Variants in VPS37D observed in about 807,000 individuals in gnomAD.
VPS37D encodes the protein vacuolar protein sorting-associated protein 37D.
Under a neutral mutation model 22.0 loss-of-function variants are expected in VPS37D, and 5 were observed. The ratio of observed to expected loss-of-function variants is 0.23; its 90% CI spans 0.12 to 0.48. VPS37D has a LOEUF of 0.48. Among genes scored for constraint, VPS37D ranks in the 20% least tolerant of loss-of-function variants. VPS37D has a pLI of 0.99. For synonymous variants in VPS37D, 174 were observed against 159.3 expected (o/e 1.09, Z -0.69); for missense variants, 384 against 345.8 (o/e 1.11, Z -0.88).
chr7:73,665,749 A>G (rs192026138), upstream of VPS37D, among the ~76,000 whole-genome samples: 16 of 152,266 alleles, frequency 1.1e-4, no homozygotes, highest in Admixed American at 5.9e-4. Context: ...GAGAACTCCT[A>G]TTCAACCTCT....
chr7:73,668,296 A>C (rs1220029607), intron 1 of VPS37D, among the ~76,000 whole-genome samples, 200 bp downstream of exon 1: 1 of 150,860 alleles, frequency 6.6e-6, no homozygotes, highest in Non-Finnish European at 1.5e-5. Flanking sequence ...GGCGCCGGGG[A>C]CCCGAGGGGG....
chr7:73,668,891 G>C (rs1184790638), intron 1 of VPS37D, among the ~76,000 whole-genome samples: 1 of 151,948 alleles, frequency 6.6e-6, no homozygotes, highest in Non-Finnish European at 1.5e-5. Context: ...GAAGGGAAGA[G>C]AGGGTGACCC....
At position 73,671,456 on chromosome 7, in the gene VPS37D, G is replaced by C. The variant is rs1210166917; in HGVS notation, c.*80G>C. 3.1e-5 allele frequency: 21 copies of C among 670,172 alleles called. No individual in the cohort carries two copies. Among genetic ancestry groups the C allele is most frequent in the African/African-American group, 9.5e-5 (5 of 52,362 alleles). The allele number at this position is 670,172 out of a possible 1,614,324, so 41.5% of individuals were successfully genotyped here. Reference sequence around the variant, plus strand: ...CCTCCTCCTCCCCCACTGCCTGGGTGGGGGGAGGGGCAGGCCCCTCCCCCT... The same window carrying C: ...CCTCCTCCTCCCCCACTGCCTGGGTCGGGGGAGGGGCAGGCCCCTCCCCCT... On this transcript the variant is annotated 3_prime_UTR_variant, in exon 4 of 4. Coordinates refer to ENST00000324941, the MANE Select transcript of VPS37D (RefSeq NM_001077621.2).
chr7:73,668,541 T>C (rs1401697081), intron 1 of VPS37D, among the ~76,000 whole-genome samples: 1 of 149,772 alleles, frequency 6.7e-6, no homozygotes, highest in Non-Finnish European at 1.5e-5. Context: ...TGCCTGGCGT[T>C]GGGGAGGGGT....
chr7:73,666,038 GA>G (rs1239875215), upstream of VPS37D, among the ~76,000 whole-genome samples: 1 of 152,052 alleles, frequency 6.6e-6, no homozygotes, highest in African/African-American at 2.4e-5. Context: ...ATGTTTGGCA[GA>G]GATGGGGGTC....
chr7:73,671,327 C>T lies in VPS37D; in HGVS notation c.707C>T (p.Ala236Val). The T allele has an allele frequency of 7.3e-7, 1 of 1,374,300 alleles. No individual in the cohort carries two copies. Among genetic ancestry groups the T allele is most frequent in the Non-Finnish European group, 9.5e-7 (1 of 1,057,716 alleles). 85.1% of individuals were successfully genotyped at this position (1,374,300 alleles called of 1,614,324 possible). Residue 236 changes from alanine to valine, a missense_variant, in exon 4 of 4, where the codon GCC becomes GTC. Ala to Val is a moderately conservative substitution (Grantham distance 64, BLOSUM62 0). Coordinates refer to ENST00000324941, the MANE Select transcript of VPS37D (RefSeq NM_001077621.2). ...TCCCCCGGGTGCCCCCTCGGCCCGG[C>T]CCCCCTGCTGAGCCCTCGGCCCTCG... ...KGSPGCPLGP[A>V]PLLSPRPSQP...
intron 1 of VPS37D, among the ~76,000 whole-genome samples, chr7:73,668,744 G>A (rs951516099): frequency 9.9e-5 from 15 of 152,060 alleles, no homozygotes; most frequent in South Asian, 4.1e-4. Flanking sequence ...GGGCAGGGAG[G>A]GGAGGTTGGG....
At position 73,671,061 on chromosome 7, in the gene VPS37D, C is replaced by G; in HGVS notation, c.441C>G (p.Phe147Leu). Residue 147 changes from phenylalanine (F) to leucine (L), a missense_variant, in exon 4 of 4, where the codon TTC becomes TTG. Phe to Leu is a conservative substitution (Grantham distance 22). Transcript: ENST00000324941. ...LLLGEQSLEA[F>L]LPAFQRGRAL... ...TCGGGGAGCAAAGCCTGGAGGCCTT[C>G]CTGCCTGCCTTCCAGCGTGGCCGCG... is the stretch of plus-strand genomic sequence containing the variant. 1 of 1,612,266 alleles carries G rather than the reference C, an allele frequency of 6.2e-7. No individual in the cohort carries two copies. Among genetic ancestry groups the G allele is most frequent in the South Asian group, 1.1e-5 (1 of 91,058 alleles).
Position 73,667,917 on chromosome 7 carries a change from C to G in VPS37D, c.-42C>G, listed in dbSNP as rs1287566060. On this transcript the variant is annotated 5_prime_UTR_variant, in exon 1 of 4. Transcript: ENST00000324941. ...CGGAGCCGGGGCGGAGCGGGCCGAG[C>G]GGGCCGAGCCAGCAGCCGAGCTGGG... 5.0e-6 allele frequency: 4 copies of G among 800,126 alleles called. No homozygotes were observed. Among genetic ancestry groups the G allele is most frequent in the South Asian group, 1.1e-4 (2 of 18,216 alleles). The allele number at this position is 800,126 out of a possible 1,614,324, so 49.6% of individuals were successfully genotyped here.
chr7:73,666,565 A>G (rs1554608681), upstream of VPS37D, among the ~76,000 whole-genome samples: 1 of 151,754 alleles, frequency 6.6e-6, no homozygotes, highest in East Asian at 1.9e-4. Flanking sequence ...AGTAGCTGGA[A>G]TTACAGGCGC....
intron 2 of VPS37D, 43 bp from the exon 3 acceptor site, chr7:73,669,977 G>A (rs1554609423): frequency 6.4e-7 from 1 of 1,551,274 alleles, no homozygotes; most frequent in South Asian, 1.2e-5. Flanking sequence ...TGCAAGCCCG[G>A]GGCCCTGGCC....
chr7:73,670,251 G>A, intron 3 of VPS37D, 149 bp downstream of exon 3: 3 of 1,356,472 alleles, frequency 2.2e-6, no homozygotes, highest in Non-Finnish European at 3.0e-6. Context: ...TAGCATTGCT[G>A]TCCACCAGCA....
In VPS37D at chr7:73,671,301, C is replaced by T. The variant is rs1797507414; in HGVS notation, c.681C>T (p.Gly227=). The T allele has an allele frequency of 1.4e-6, 2 of 1,408,328 alleles. No individual in the cohort carries two copies. The highest frequency in any genetic ancestry group is 1.8e-6 in the Non-Finnish European group (2 of 1,083,578). The allele number at this position is 1,408,328 out of a possible 1,614,324, so 87.2% of individuals were successfully genotyped here. Residue 227 remains glycine, a synonymous_variant, in exon 4 of 4, where the codon GGC becomes GGT. Transcript: ENST00000324941. ...LDSRPVPPLK[G]SPGCPLGPAP... ...CCCGCCCAGTGCCCCCACTGAAGGG[C>T]TCCCCCGGGTGCCCCCTCGGCCCGG...
chr7:73,670,052 G>T lies in VPS37D; in HGVS notation c.343G>T (p.Ala115Ser). The change falls in exon 3 of 4, where the codon GCG (alanine) becomes TCG (serine). Residue 115 changes from alanine to serine, a missense_variant. Ala to Ser is a moderately conservative substitution (Grantham distance 99, BLOSUM62 1). Transcript: ENST00000324941. ...ESMHRWSPHC[A>S]LGWLQAELEE... is the part of the protein sequence containing the mutation. ...CATGCATCGCTGGAGTCCCCACTGC[G>T]CGCTGGGCTGGCTGCAGGCTGAGCT... The T allele has an allele frequency of 6.4e-7, 1 of 1,551,592 alleles. No homozygotes were observed. The highest frequency in any genetic ancestry group is 8.7e-7 in the Non-Finnish European group (1 of 1,146,976).
chr7:73,668,045 C>T lies in VPS37D; in HGVS notation c.87C>T (p.Asp29=), dbSNP rs1319149318. 111 of 1,169,578 alleles carry T rather than the reference C, an allele frequency of 9.5e-5. No homozygotes were observed. Among genetic ancestry groups the T allele is most frequent in the Non-Finnish European group, 1.2e-4 (111 of 936,656 alleles). The allele number at this position is 1,169,578 out of a possible 1,614,324, so 72.5% of individuals were successfully genotyped here. ...FGILSTGQLR[D]LLQDEPKLDR... The stretch of plus-strand genomic sequence containing the variant: ...TCCTCAGCACCGGGCAGCTCCGGGA[C>T]CTGCTTCAGGATGAGCCCAAGCTGG... The change falls in exon 1 of 4, where the codon GAC becomes GAT. Residue 29 remains aspartate (D), a synonymous_variant. Transcript: ENST00000324941.
chr7:73,666,256 T>G (rs1197262494), upstream of VPS37D, among the ~76,000 whole-genome samples: 2 of 152,176 alleles, frequency 1.3e-5, no homozygotes, highest in Non-Finnish European at 2.9e-5. Flanking sequence ...GGACTCTGCC[T>G]TAATCCATGA....
In VPS37D at chr7:73,671,892, C is replaced by G. The variant is rs1797527005; in HGVS notation, c.*516C>G. ...CAGGGACACCATGGCCCTGGGGCTA[C>G]TACGTGTCCACACATGCTCCAGACC... On this transcript the variant is annotated 3_prime_UTR_variant, in exon 4 of 4. Coordinates refer to ENST00000324941, the MANE Select transcript of VPS37D (RefSeq NM_001077621.2). 6.6e-6 allele frequency: 1 copy of G among 152,292 alleles called. No homozygotes were observed. The highest frequency in any genetic ancestry group is 1.5e-5 in the Non-Finnish European group (1 of 68,092). The allele number at this position is 152,292 out of a possible 1,614,324, so 9.4% of individuals were successfully genotyped here. A position where few individuals can be genotyped will look rare whatever the true frequency, so the allele number is the denominator to read the frequency against.
In VPS37D at chr7:73,669,422, C is replaced by A; in HGVS notation, c.142C>A (p.Gln48Lys). The A allele has an allele frequency of 6.4e-7, 1 of 1,555,894 alleles. No homozygotes were observed. Among genetic ancestry groups the A allele is most frequent in the East Asian group, 2.4e-5 (1 of 41,610 alleles). Residue 48 changes from glutamine to lysine, a missense_variant, in exon 2 of 4, where the codon CAG becomes AAG. Physicochemically the swap from Gln to Lys is moderately conservative, Grantham distance 53. Coordinates refer to ENST00000324941, the MANE Select transcript of VPS37D (RefSeq NM_001077621.2). ...DRIVRLSRKF[Q>K]GLQLEREACL... ...CTTAGCTCCTCTCTGCCCGCAGTTC[C>A]AGGGCCTGCAGCTGGAGCGTGAGGC...
In VPS37D at chr7:73,671,677, G is replaced by T; in HGVS notation, c.*301G>T. ...CGTTAAAGAACTTGACTCAACTACA[G>T]GGGCCTGGGAAGATGCCTGGGTCCC... On this transcript the variant is annotated 3_prime_UTR_variant, in exon 4 of 4. Coordinates refer to ENST00000324941, the MANE Select transcript of VPS37D (RefSeq NM_001077621.2). The T allele has an allele frequency of 6.0e-6, 1 of 166,476 alleles. No individual in the cohort carries two copies. Among genetic ancestry groups the T allele is most frequent in the Non-Finnish European group, 1.3e-5 (1 of 77,970 alleles). 10.3% of individuals were successfully genotyped at this position (166,476 alleles called of 1,614,324 possible).
Sources: gnomAD v4.1 joint callset for allele counts (sites outside exome capture counted in the v4.1 genomes callset) on GRCh38, gnomAD v4.1.1 for gene constraint, MANE v1.5 for transcripts, NCBI Gene and HGNC (gene_info 2026-07-23, HGNC 2026-07-21) for gene names.